CCDC85C: variants seen among roughly 807,000 people sequenced by gnomAD.
CCDC85C encodes the protein coiled-coil domain containing 85C, also known as coiled-coil domain-containing protein 85C.
CCDC85C carries 18 observed loss-of-function variants against 38.3 expected under a neutral mutation model. The observed-to-expected ratio is 0.47, with a 90% CI of 0.33 to 0.70. The LOEUF is 0.70. Ranked by LOEUF, CCDC85C falls within the 30% of genes least tolerant of loss-of-function variation. CCDC85C has a pLI of 0.03. For missense variants in CCDC85C, 566 were observed against 621.2 expected (o/e 0.91, Z 0.94); for synonymous variants, 264 against 293.8 (o/e 0.90, Z 1.04).
chr14:99,521,857 G>A (rs1897307482), intron 3 of CCDC85C, among the ~76,000 whole-genome samples: 1 of 152,258 alleles, frequency 6.6e-6, no homozygotes, highest in African/African-American at 2.4e-5. Flanking sequence ...TGGCCAAGGA[G>A]TGGCACAGGC....
Position 99,586,561 on chromosome 14 carries a change from G to A in CCDC85C, c.793+16606C>T, listed in dbSNP as rs964658763. Among the ~76,000 whole-genome samples the A allele has an allele frequency of 1.1e-4, 17 of 152,312 alleles. No individual in the cohort carries two copies. The East Asian group carries it at 2.1e-3, about 19-fold the overall frequency. On this transcript the variant is annotated intron_variant, in intron 1 of 5. Transcript: ENST00000380243. ...GACATGCCATGGGCTTGGGGGCTCC[G>A]CTTCCCATCTGCACATTTACAACAC...
At position 99,533,190 on chromosome 14, in the gene CCDC85C, C is replaced by T. The variant is rs549413267; in HGVS notation, c.867+2825G>A. ...CCACTGCAGCATGGGGACAGGGCAC[C>T]GGGGCCAAGGCCCCAGCAGCATACG... On this transcript the variant is annotated intron_variant, in intron 2 of 5. Transcript: ENST00000380243. This position sits in a 1 kb window ranked among gnomAD's most constrained non-coding sequence, Gnocchi z 4.2. 2.6e-5 allele frequency among the ~76,000 whole-genome samples: 4 copies of T among 152,296 alleles called. No homozygotes were observed. Among genetic ancestry groups the T allele is most frequent in the Admixed American group, 2.0e-4 (3 of 15,306 alleles).
rs1198702518 is a variant in CCDC85C, at chr14:99,561,600, T to A, written c.794-25512A>T. Among the ~76,000 whole-genome samples the A allele has an allele frequency of 2.6e-5, 4 of 152,186 alleles. No individual in the cohort carries two copies. In the South Asian group the frequency reaches 6.2e-4, roughly 24 times the overall value. ...CATGCAGTGGCTCCTGGCTCAGACC[T>A]TGCAGGACCTGCTCTGTGCTGCGAG... is the stretch of plus-strand genomic sequence containing the variant. On this transcript the variant is annotated intron_variant, in intron 1 of 5. Coordinates refer to ENST00000380243, the MANE Select transcript of CCDC85C (RefSeq NM_001144995.2).
At chr14:99,543,831 G>A (rs1897757593) in intron 1 of CCDC85C, among the ~76,000 whole-genome samples, 1 of 152,206 alleles carries the variant, frequency 6.6e-6, no homozygotes. Context: ...CAAGAGGCCT[G>A]AGAGAGGGCA....
intron 1 of CCDC85C, among the ~76,000 whole-genome samples, chr14:99,587,245 G>A (rs565858558): frequency 2.6e-5 from 4 of 152,344 alleles, no homozygotes; most frequent in East Asian, 1.9e-4. Context: ...GGAGAATCCC[G>A]GGTTCAGAGC....
In CCDC85C at chr14:99,502,667, T is replaced by A. The variant is rs909955801; in HGVS notation, c.*12579A>T. 6.4e-7 allele frequency: 1 copy of A among 1,558,336 alleles called. No homozygotes were observed. Among genetic ancestry groups the A allele is most frequent in the African/African-American group, 1.4e-5 (1 of 73,596 alleles). Reference sequence around the variant, plus strand: ...TAACTGATTCTTTATCCAGGTAAAATTTTATTTAAAATACCAATTTGTGTA... The same window carrying A: ...TAACTGATTCTTTATCCAGGTAAAAATTTATTTAAAATACCAATTTGTGTA... On this transcript the variant is annotated 3_prime_UTR_variant, in exon 6 of 6. Transcript: ENST00000380243.
At chr14:99,561,794 C>T (rs1450759690) in intron 1 of CCDC85C, among the ~76,000 whole-genome samples, 1 of 152,184 alleles carries the variant, frequency 6.6e-6, no homozygotes, top group Non-Finnish European at 1.5e-5. Context: ...AGGAGGGATG[C>T]CAGGTGGGAG....
chr14:99,568,044 AT>A (rs1898253053), intron 1 of CCDC85C, among the ~76,000 whole-genome samples: 1 of 151,982 alleles, frequency 6.6e-6, no homozygotes, highest in Admixed American at 6.5e-5. Context: ...GCAGGTCTAG[AT>A]GCAGAGACTC....
At position 99,506,823 on chromosome 14, in the gene CCDC85C, G is replaced by A; in HGVS notation, c.*8423C>T. 1 of 464,644 alleles carries A rather than the reference G, an allele frequency of 2.2e-6. No individual in the cohort carries two copies. Among genetic ancestry groups the A allele is most frequent in the Non-Finnish European group, 4.0e-6 (1 of 251,732 alleles). The allele number at this position is 464,644 out of a possible 1,614,324, so 28.8% of individuals were successfully genotyped here. On this transcript the variant is annotated 3_prime_UTR_variant, in exon 6 of 6. Coordinates refer to ENST00000380243, the MANE Select transcript of CCDC85C (RefSeq NM_001144995.2). Reference sequence around the variant, plus strand: ...GGACTTGAGTGAAGTGGTCAGCAAGGAAACTTAGGTAGACATGGAAAATGG... The same window carrying A: ...GGACTTGAGTGAAGTGGTCAGCAAGAAAACTTAGGTAGACATGGAAAATGG...
chr14:99,548,162 G>A lies in CCDC85C; in HGVS notation c.794-12074C>T, dbSNP rs536430340. On this transcript the variant is annotated intron_variant, in intron 1 of 5. Coordinates refer to ENST00000380243, the MANE Select transcript of CCDC85C (RefSeq NM_001144995.2). The surrounding 1 kb of genome is among the most constrained non-coding windows in gnomAD (Gnocchi z 4.9). Reference sequence around the variant, plus strand: ...GACAACAAGCTGCCATCTGGGAGGAGCCATGTGTAAGTCCCCTCCCAGATA... The same window carrying A: ...GACAACAAGCTGCCATCTGGGAGGAACCATGTGTAAGTCCCCTCCCAGATA... 5.9e-5 allele frequency among the ~76,000 whole-genome samples: 9 copies of A among 152,050 alleles called. No individual in the cohort carries two copies. The highest frequency in any genetic ancestry group is 1.2e-4 in the Non-Finnish European group (8 of 68,006).
chr14:99,528,768 ACTTT>A (rs1297194293), intron 2 of CCDC85C, among the ~76,000 whole-genome samples: 2 of 152,174 alleles, frequency 1.3e-5, no homozygotes, highest in African/African-American at 4.8e-5. Flanking sequence ...AACTGGATTT[ACTTT>A]CTTTTTCTTC....
Position 99,604,174 on chromosome 14 carries a change from C to A in CCDC85C, c.-215G>T, listed in dbSNP as rs928708463. 5.0e-5 allele frequency: 14 copies of A among 280,502 alleles called. 1 individual carries two copies. Among genetic ancestry groups the A allele is most frequent in the African/African-American group, 3.0e-4 (13 of 43,526 alleles). The allele number at this position is 280,502 out of a possible 1,614,324, so 17.4% of individuals were successfully genotyped here. A position where few individuals can be genotyped will look rare whatever the true frequency, so the allele number is the denominator to read the frequency against. On this transcript the variant is annotated 5_prime_UTR_variant, in exon 1 of 6. Transcript: ENST00000380243. ...TGACGAGCGGAGGCGGCTGCTGCGT[C>A]GGCGGCCGCGGTGCCGGGCGCTCTC... is the stretch of plus-strand genomic sequence containing the variant.
intron 1 of CCDC85C, among the ~76,000 whole-genome samples, chr14:99,560,370 T>C (rs564068820): frequency 2.8e-4 from 43 of 152,200 alleles, no homozygotes; most frequent in Middle Eastern, 3.4e-3. Flanking sequence ...TTCCCATCTG[T>C]AAAATGATAC....
chr14:99,581,108 A>G (rs8021979), intron 1 of CCDC85C, among the ~76,000 whole-genome samples: 12,580 of 152,168 alleles, frequency 0.083, 870 homozygotes, highest in African/African-American at 0.19. Context: ...TGGTTCCACG[A>G]TCGCTGAAGC....
Position 99,572,405 on chromosome 14 carries a change from C to T in CCDC85C, c.793+30762G>A, listed in dbSNP as rs552756872. 2.8e-4 allele frequency among the ~76,000 whole-genome samples: 42 copies of T among 152,322 alleles called. No individual in the cohort carries two copies. The highest frequency in any genetic ancestry group is 7.5e-4 in the African/African-American group (31 of 41,570). ...GGGCTAGTGTCTCAGCCTGCAATCC[C>T]GGCTCCCACCCCCACCCCAAGGCCC... On this transcript the variant is annotated intron_variant, in intron 1 of 5. Transcript: ENST00000380243. This position sits in a 1 kb window ranked among gnomAD's most constrained non-coding sequence, Gnocchi z 4.4.
At chr14:99,597,979 G>A (rs940449696) in intron 1 of CCDC85C, among the ~76,000 whole-genome samples, 4 of 152,216 alleles carry the variant, frequency 2.6e-5, no homozygotes, top group African/African-American at 9.6e-5. Flanking sequence ...AGGCTTAGAG[G>A]TTCAGTAAGC....
At chr14:99,539,331 G>A (rs1395607167) in intron 1 of CCDC85C, among the ~76,000 whole-genome samples, 16 of 152,048 alleles carry the variant, frequency 1.1e-4, no homozygotes, top group South Asian at 2.1e-4. Flanking sequence ...TTAGCTGGGC[G>A]TGATGGCAGG....
At chr14:99,601,509 T>C (rs911076558) in intron 1 of CCDC85C, among the ~76,000 whole-genome samples, 1 of 152,222 alleles carries the variant, frequency 6.6e-6, no homozygotes, top group African/African-American at 2.4e-5. Context: ...TCTTGCCAAG[T>C]GTCATTGATG....
intron 1 of CCDC85C, among the ~76,000 whole-genome samples, chr14:99,597,615 G>T (rs956144051): frequency 1.3e-5 from 2 of 152,158 alleles, no homozygotes; most frequent in African/African-American, 2.4e-5. Flanking sequence ...TTTGGGGTCT[G>T]CCCTGTGGGG....
Sources: gnomAD v4.1 joint callset for allele counts (sites outside exome capture counted in the v4.1 genomes callset) on GRCh38, gnomAD v4.1.1 for gene constraint, Gnocchi (gnomAD v3.1) non-coding constraint, MANE v1.5 for transcripts, NCBI Gene and HGNC (gene_info 2026-07-23, HGNC 2026-07-21) for gene names.